The following NEK10 variants were observed in gnomAD, a reference collection of about 807,000 sequenced individuals.
NEK10 encodes the protein NIMA related kinase 10.
In NEK10, 122 loss-of-function variants were observed where a neutral mutation model predicts 159.8. The observed-to-expected ratio is 0.76, with a 90% CI of 0.66 to 0.89. The LOEUF is 0.89. NEK10 is among the 40% of genes least tolerant of loss of function. The probability of loss-of-function intolerance (pLI) is 0.00; values close to 1 mark genes in which losing one functional copy is unlikely to be tolerated. For missense variants in NEK10, 1,342 were observed against 1,323.1 expected (o/e 1.01, Z -0.22); for synonymous variants, 466 against 457.1 (o/e 1.02, Z -0.25).
chr3:27,162,421 C>T (rs766514829), intron 30 of NEK10: 1 of 1,601,310 alleles, frequency 6.2e-7, no homozygotes, highest in Admixed American at 1.7e-5. Flanking sequence ...TGCATTTGCC[C>T]ATTGTGTGCT....
Position 27,131,949 on chromosome 3 carries a change from T to C in NEK10, c.3012A>G (p.Ile1004Met). The change falls in exon 32 of 36, where the codon ATA becomes ATG. Residue 1004 changes from isoleucine (I) to methionine (M), a missense_variant. Physicochemically the swap from Ile to Met is conservative, Grantham distance 10. Coordinates refer to ENST00000691995, the MANE Select transcript of NEK10 (RefSeq NM_001394966.1). ...ALHHNLKRRV[I>M]ERFKKSLFSQ... ...TGAAGAGGGATTTCTTGAATCTCTC[T>C]ATAACCCTTCTTTTCAAATTGTGGT... 6.2e-7 allele frequency: 1 copy of C among 1,609,104 alleles called. No individual in the cohort carries two copies. The highest frequency in any genetic ancestry group is 8.5e-7 in the Non-Finnish European group (1 of 1,176,410).
At chr3:27,307,718 A>G in intron 11 of NEK10, 141 bp downstream of exon 11, 1 of 626,272 alleles carries the variant, frequency 1.6e-6, no homozygotes, top group South Asian at 1.9e-5. Flanking sequence ...TTCTTTATAT[A>G]AACTTAAACA....
intron 13 of NEK10, among the ~76,000 whole-genome samples, chr3:27,300,269 TG>T (rs533466344): frequency 3.0e-4 from 45 of 152,288 alleles, no homozygotes; most frequent in African/African-American, 5.8e-4. Context: ...GTTTTTAAAA[TG>T]TTTTTTTTGT....
intron 5 of NEK10, among the ~76,000 whole-genome samples, chr3:27,325,047 T>G (rs1185540018): frequency 6.6e-6 from 1 of 152,170 alleles, no homozygotes; most frequent in African/African-American, 2.4e-5. Flanking sequence ...CCTGCAGTTG[T>G]TCTAACCACA....
chr3:27,126,706 C>G (rs962658530), intron 32 of NEK10, among the ~76,000 whole-genome samples: 8 of 152,070 alleles, frequency 5.3e-5, no homozygotes, highest in African/African-American at 1.9e-4. Context: ...AAACCCTGAT[C>G]CTACCAGGCC....
At chr3:27,141,411 T>TAGTTCTTCA (rs1242181686) in intron 31 of NEK10, 71 bp downstream of exon 31, 1 of 1,145,588 alleles carries the variant, frequency 8.7e-7, no homozygotes, top group African/African-American at 1.5e-5. Flanking sequence ...TCCTCCAAAA[T>TAGTTCTTCA]AGTTCTTCAG....
chr3:27,140,580 T>C (rs948948204), intron 31 of NEK10, among the ~76,000 whole-genome samples: 1 of 152,182 alleles, frequency 6.6e-6, no homozygotes, highest in Non-Finnish European at 1.5e-5. Flanking sequence ...TGGGGGTTAG[T>C]TAAATGAAAT....
intron 26 of NEK10, among the ~76,000 whole-genome samples, chr3:27,181,753 G>T (rs936806758): frequency 1.3e-5 from 2 of 152,014 alleles, no homozygotes. Flanking sequence ...TATGAAGGAG[G>T]GAGTCTGTGG....
intron 22 of NEK10, among the ~76,000 whole-genome samples, chr3:27,275,738 C>CT (rs967316469): frequency 7.9e-5 from 12 of 152,076 alleles, no homozygotes; most frequent in African/African-American, 2.2e-4. Context: ...AATACTAACT[C>CT]TTTTTTTTAT....
intron 30 of NEK10, chr3:27,162,295 G>A: frequency 8.1e-7 from 1 of 1,238,290 alleles, no homozygotes; most frequent in Non-Finnish European, 1.1e-6. Flanking sequence ...AAGGCATTTT[G>A]TTACCATCAA....
chr3:27,173,596 C>T (rs982199030), intron 28 of NEK10, among the ~76,000 whole-genome samples: 1 of 152,126 alleles, frequency 6.6e-6, no homozygotes, highest in Non-Finnish European at 1.5e-5. Flanking sequence ...AAGAATGTAG[C>T]TAAATCCTTA....
intron 29 of NEK10, among the ~76,000 whole-genome samples, chr3:27,171,263 T>C (rs1388015211): frequency 6.6e-6 from 1 of 152,186 alleles, no homozygotes; most frequent in Non-Finnish European, 1.5e-5. Context: ...AAAGACAGTC[T>C]CTCAAACATA....
intron 22 of NEK10, among the ~76,000 whole-genome samples, chr3:27,278,500 T>C (rs1028175637): frequency 6.6e-6 from 1 of 152,216 alleles, no homozygotes; most frequent in Non-Finnish European, 1.5e-5. Context: ...GAGCCTTTGA[T>C]AAACTTTACA....
chr3:27,340,422 C>G (rs1295485697), intron 5 of NEK10, among the ~76,000 whole-genome samples: 7 of 151,974 alleles, frequency 4.6e-5, no homozygotes, highest in Non-Finnish European at 7.4e-5. Context: ...GGCTTAAAAC[C>G]TAGACAACGG....
At chr3:27,165,838 C>T (rs189000300) in intron 29 of NEK10, among the ~76,000 whole-genome samples, 14 of 152,234 alleles carry the variant, frequency 9.2e-5, no homozygotes, top group Admixed American at 4.6e-4. Flanking sequence ...GTCAAGAGCA[C>T]GGTGAATTAT....
At chr3:27,364,415 A>T (rs1001850484) in intron 1 of NEK10, among the ~76,000 whole-genome samples, 1 of 145,464 alleles carries the variant, frequency 6.9e-6, no homozygotes, top group Non-Finnish European at 1.5e-5. Context: ...TATAGTAGAG[A>T]CGGGGTTTCA....
Position 27,107,853 on chromosome 3 carries a change from A to G in NEK10, c.*3419T>C, listed in dbSNP as rs1402005874. ...TCAGACAGGAGCTAAAGTCATTTCTAAAGGAACCCAGCATATTGACTGTGC... is the reference window on the plus strand; with the variant it reads ...TCAGACAGGAGCTAAAGTCATTTCTGAAGGAACCCAGCATATTGACTGTGC... On this transcript the variant is annotated 3_prime_UTR_variant, in exon 36 of 36. Coordinates refer to ENST00000691995, the MANE Select transcript of NEK10 (RefSeq NM_001394966.1). 6.6e-6 allele frequency among the ~76,000 whole-genome samples: 1 copy of G among 152,208 alleles called. No individual in the cohort carries two copies. Among genetic ancestry groups the G allele is most frequent in the African/African-American group, 2.4e-5 (1 of 41,454 alleles).
At chr3:27,189,868 A>G (rs1274325662) in intron 26 of NEK10, among the ~76,000 whole-genome samples, 1 of 152,170 alleles carries the variant, frequency 6.6e-6, no homozygotes, top group East Asian at 1.9e-4. Flanking sequence ...TTTGAAGTAA[A>G]GCATTTCTCT....
intron 30 of NEK10, among the ~76,000 whole-genome samples, chr3:27,149,104 A>T (rs1575509581): frequency 2.0e-5 from 3 of 150,380 alleles, no homozygotes. Context: ...TAATATAATA[A>T]AATAAATTTA....
Sources: gnomAD v4.1 joint callset for allele counts (sites outside exome capture counted in the v4.1 genomes callset) on GRCh38, gnomAD v4.1.1 for gene constraint, MANE v1.5 for transcripts, NCBI Gene and HGNC (gene_info 2026-07-23, HGNC 2026-07-21) for gene names.